Variants in MID2 observed in about 807,000 individuals in gnomAD.
MID2 encodes the protein midline 2.
In MID2, 13 loss-of-function variants were observed where a neutral mutation model predicts 46.1. The observed-to-expected ratio is 0.28, with a 90% CI of 0.18 to 0.45. The LOEUF (loss-of-function observed/expected upper bound fraction) is 0.45, where lower values mean the gene tolerates loss of function less well. Ranked by LOEUF, MID2 falls within the 20% of genes least tolerant of loss-of-function variation. The pLI is 1.00. For synonymous variants in MID2, 199 were observed against 212.3 expected, an observed-to-expected ratio of 0.94 and a Z score of 0.55; for missense variants, 431 against 575.4, an observed-to-expected ratio of 0.75 and a Z score of 2.57.
intron 1 of MID2, among the ~76,000 whole-genome samples, chrX:107,830,069 G>A (rs185517028): frequency 8.9e-6 from 1 of 111,825 alleles, no homozygotes; most frequent in East Asian, 2.8e-4. Flanking sequence ...CATAAAATCT[G>A]CTGACACCAC....
intron 7 of MID2, among the ~76,000 whole-genome samples, chrX:107,921,070 T>A (rs1296441747): frequency 8.9e-6 from 1 of 112,152 alleles, no homozygotes; most frequent in Non-Finnish European, 1.9e-5. Flanking sequence ...TTATGACATA[T>A]AAAGAACCCA....
chrX:107,845,798 C>T (rs1478772124), intron 2 of MID2, among the ~76,000 whole-genome samples: 2 of 111,179 alleles, frequency 1.8e-5, no homozygotes, highest in Non-Finnish European at 3.8e-5. Flanking sequence ...ACCCACTTGA[C>T]ACCCACTACT....
Position 107,917,591 on chromosome X carries a change from C to T in MID2, c.1287C>T (p.Phe429=). ...ITVHWISDDE[F]SISSYELQYT... is the part of the protein sequence containing the mutation. ...TCCACTGGATCTCGGATGATGAGTT[C>T]AGCATCAGCTCCTATGAGCTTCAGT... Residue 429 remains phenylalanine (F), a synonymous_variant, in exon 7 of 10, where the codon TTC becomes TTT. Coordinates refer to ENST00000262843, the MANE Select transcript of MID2 (RefSeq NM_012216.4). 1 of 1,211,366 alleles carries T rather than the reference C, an allele frequency of 8.3e-7. No individual in the cohort carries two copies. Among genetic ancestry groups the T allele is most frequent in the Non-Finnish European group, 1.1e-6 (1 of 895,087 alleles).
chrX:107,841,156 G>A lies in MID2; in HGVS notation c.491G>A (p.Arg164His), dbSNP rs778859599. The change falls in exon 2 of 10, where the codon CGT (arginine) becomes CAT (histidine). Residue 164 changes from arginine to histidine, a missense_variant. Transcript: ENST00000262843. ...ACCTGTGAGGTCTCCTACTGTGACCGTTGCCTGCGGGCCACGCACCCCAAC... is the reference window on the plus strand; with the variant it reads ...ACCTGTGAGGTCTCCTACTGTGACCATTGCCTGCGGGCCACGCACCCCAAC... ...CITCEVSYCDRCLRATHPNKK... is the reference protein window; with the variant it reads ...CITCEVSYCDHCLRATHPNKK... 52 of 1,209,093 alleles carry A rather than the reference G, an allele frequency of 4.3e-5. No individual in the cohort carries two copies. Among genetic ancestry groups the A allele is most frequent in the South Asian group, 3.4e-4 (19 of 56,653 alleles).
At position 107,876,129 on chromosome X, in the gene MID2, G is replaced by C. The variant is rs1343244542; in HGVS notation, c.816+21425G>C. ...GTCCTGGCATACTATATCTGTAGCA[G>C]TTAACAGGTGCACCTCAGGAATCCT... On this transcript the variant is annotated intron_variant, in intron 3 of 9. Transcript: ENST00000262843. Among the ~76,000 whole-genome samples the C allele has an allele frequency of 4.5e-5, 5 of 111,328 alleles. No homozygotes were observed. The Admixed American group carries it at 4.8e-4, about 11-fold the overall frequency.
At chrX:107,839,935 A>T (rs1358658507) in intron 1 of MID2, among the ~76,000 whole-genome samples, 3 of 112,112 alleles carry the variant, frequency 2.7e-5, no homozygotes, top group African/African-American at 9.7e-5. Flanking sequence ...AAAGTTTGAA[A>T]TCATTCCCCA....
chrX:107,833,710 G>T (rs1426451387), intron 1 of MID2, among the ~76,000 whole-genome samples: 1 of 111,748 alleles, frequency 8.9e-6, no homozygotes, highest in Admixed American at 9.5e-5. Context: ...TTAGCTAAAG[G>T]CTAGATTTGG....
chrX:107,914,177 C>A (rs1351805594), intron 5 of MID2, among the ~76,000 whole-genome samples: 1 of 112,313 alleles, frequency 8.9e-6, no homozygotes, highest in Non-Finnish European at 1.9e-5. Context: ...AAGGCAAGAA[C>A]CACAGCAAAG....
intron 3 of MID2, among the ~76,000 whole-genome samples, chrX:107,890,509 G>A (rs763507289): frequency 1.1e-4 from 12 of 111,885 alleles, no homozygotes; most frequent in African/African-American, 3.9e-4. Flanking sequence ...CCGGCCTTGT[G>A]AGGTATCAGT....
chrX:107,853,700 C>A (rs1402955026), intron 2 of MID2, among the ~76,000 whole-genome samples: 1 of 111,242 alleles, frequency 9.0e-6, no homozygotes, highest in Non-Finnish European at 1.9e-5. Context: ...AGATACAATG[C>A]TAGATTTTGA....
At chrX:107,851,673 C>G (rs756342302) in intron 2 of MID2, among the ~76,000 whole-genome samples, 1 of 110,014 alleles carries the variant, frequency 9.1e-6, no homozygotes, top group African/African-American at 3.3e-5. Context: ...ACAACAACAA[C>G]AACAACAAAA....
chrX:107,850,189 GACACAC>G (rs201492124), intron 2 of MID2, among the ~76,000 whole-genome samples: 30,596 of 101,915 alleles, frequency 0.3, 6,216 homozygotes, highest in African/African-American at 0.72. Context: ...CACACACACA[GACACAC>G]ACACACACAC....
intron 3 of MID2, among the ~76,000 whole-genome samples, chrX:107,889,397 T>G (rs1340412813): frequency 2.7e-5 from 3 of 111,763 alleles, no homozygotes; most frequent in Non-Finnish European, 3.8e-5. Context: ...TTTGGCTGGA[T>G]ATGAAATTCT....
chrX:107,896,236 C>A (rs1932730300), intron 3 of MID2: 1 of 110,717 alleles, frequency 9.0e-6, no homozygotes, highest in Admixed American at 9.6e-5. Context: ...GTCCCAGCTA[C>A]TCGGCGGGGT....
chrX:107,842,895 G>T (rs1432659135), intron 2 of MID2, among the ~76,000 whole-genome samples: 2 of 111,813 alleles, frequency 1.8e-5, no homozygotes, highest in African/African-American at 3.3e-5. Context: ...CAAAATCAAA[G>T]AAATGATTAG....
At chrX:107,883,528 C>A (rs1005553081) in intron 3 of MID2, among the ~76,000 whole-genome samples, 33 of 112,203 alleles carry the variant, frequency 2.9e-4, no homozygotes, top group Admixed American at 1.1e-3. Context: ...ATTTTCACTG[C>A]AACCAGTTTT....
rs771256306 is a variant in MID2 at position 107,927,577 on chromosome X, T to C, written c.*504T>C. ...CAAGGGTTTGTTAGGAAACCATGAA[T>C]GTGTATATGTAATATATAAAGTGAA... is the stretch of plus-strand genomic sequence containing the variant. On this transcript the variant is annotated 3_prime_UTR_variant, in exon 10 of 10. Coordinates refer to ENST00000262843, the MANE Select transcript of MID2 (RefSeq NM_012216.4). Among the ~76,000 whole-genome samples the C allele has an allele frequency of 2.7e-5, 3 of 111,974 alleles. No homozygotes were observed. Among genetic ancestry groups the C allele is most frequent in the Non-Finnish European group, 3.8e-5 (2 of 53,171 alleles).
intron 3 of MID2, among the ~76,000 whole-genome samples, chrX:107,888,324 G>A (rs1057092391): frequency 6.3e-5 from 7 of 111,970 alleles, no homozygotes; most frequent in Non-Finnish European, 1.1e-4. Flanking sequence ...GGTATGTTGT[G>A]TCTTTGTTCC....
rs1344133042 is a variant in MID2 at position 107,928,228 on chromosome X, G to A, written c.*1155G>A. ...CTTTTTCAGATAAAACACTTCTGAA[G>A]TGCTCAAGAATGTCTGAAAACAGTT... On this transcript the variant is annotated 3_prime_UTR_variant, in exon 10 of 10. Transcript: ENST00000262843. 1.8e-5 allele frequency among the ~76,000 whole-genome samples: 2 copies of A among 111,474 alleles called. No individual in the cohort carries two copies. The highest frequency in any genetic ancestry group is 3.8e-5 in the Non-Finnish European group (2 of 53,033).
Sources: allele counts gnomAD v4.1 joint callset (sites outside exome capture counted in the v4.1 genomes callset), GRCh38; gene constraint gnomAD v4.1.1; transcripts MANE v1.5; gene names NCBI Gene and HGNC (gene_info 2026-07-23, HGNC 2026-07-21).